The following TUSC3 variants were observed in gnomAD, a reference collection of about 807,000 sequenced individuals.
The protein encoded by TUSC3 is dolichyl-diphosphooligosaccharide--protein glycosyltransferase subunit TUSC3.
TUSC3 carries 45 observed loss-of-function variants against 44.8 expected under a neutral mutation model. The observed-to-expected ratio is 1.00, with a 90% confidence interval of 0.79 to 1.29. The LOEUF is 1.29. Among genes scored for constraint, TUSC3 ranks in the 50% most tolerant of loss-of-function variants. The pLI, the probability that TUSC3 is intolerant of heterozygous loss-of-function variation, is 0.00. For synonymous variants in TUSC3, 212 were observed against 152.9 expected, an observed-to-expected ratio of 1.39 and a Z score of -2.85; for missense variants, 519 against 437.9, an observed-to-expected ratio of 1.19 and a Z score of -1.65.
chr8:15,709,624 G>T (rs1015668039), intron 6 of TUSC3, among the ~76,000 whole-genome samples: 6 of 151,676 alleles, frequency 4.0e-5, no homozygotes, highest in East Asian at 1.9e-4. Flanking sequence ...ATGAGGAGGA[G>T]GATGATGATG....
chr8:15,556,623 G>A (rs901254357), intron 1 of TUSC3, among the ~76,000 whole-genome samples: 1 of 146,414 alleles, frequency 6.8e-6, no homozygotes, highest in African/African-American at 2.5e-5. Flanking sequence ...CCCACCAACA[G>A]TGTAAAAGTG....
intron 1 of TUSC3, among the ~76,000 whole-genome samples, chr8:15,481,489 A>G (rs1429195395): frequency 1.3e-5 from 2 of 151,878 alleles, no homozygotes; most frequent in Non-Finnish European, 2.9e-5. Flanking sequence ...TCAATCTTGC[A>G]CCTCTCAGCC....
intron 2 of TUSC3, among the ~76,000 whole-genome samples, chr8:15,648,752 A>AAAAAAAAAAAAAAC (rs1806748787): frequency 6.8e-6 from 1 of 147,484 alleles, no homozygotes; most frequent in Non-Finnish European, 1.5e-5. Context: ...AAAAAAAAAA[A>AAAAAAAAAAAAAAC]AAAAGACATC....
intron 2 of TUSC3, among the ~76,000 whole-genome samples, chr8:15,484,213 C>A (rs1800706037): frequency 6.6e-6 from 1 of 152,138 alleles, no homozygotes; most frequent in Non-Finnish European, 1.5e-5. Flanking sequence ...CTTATGCAAC[C>A]ATAAATTTGC....
chr8:15,755,743 A>G (rs1811901900), intron 9 of TUSC3, among the ~76,000 whole-genome samples: 2 of 152,192 alleles, frequency 1.3e-5, no homozygotes, highest in Admixed American at 6.5e-5. Context: ...AAAAGAAAAA[A>G]AAAAGTAGAA....
chr8:15,541,056 C>G (rs537918368), intron 1 of TUSC3, among the ~76,000 whole-genome samples: 104 of 152,252 alleles, frequency 6.8e-4, no homozygotes, highest in Non-Finnish European at 1.3e-3. Context: ...TCGGTGTATA[C>G]TTGTGAGAAT....
intron 1 of TUSC3, among the ~76,000 whole-genome samples, chr8:15,562,772 A>C (rs879916743): frequency 6.6e-6 from 1 of 152,130 alleles, no homozygotes; most frequent in African/African-American, 2.4e-5. Context: ...ATCTATAGGC[A>C]GTTCACAGCA....
At chr8:15,478,514 G>C (rs1800613448) in intron 1 of TUSC3, among the ~76,000 whole-genome samples, 2 of 152,152 alleles carry the variant, frequency 1.3e-5, no homozygotes, top group Admixed American at 6.5e-5. Context: ...ACTCATAAGT[G>C]AGAACATGCA....
chr8:15,567,258 G>T (rs1802711160), intron 1 of TUSC3, among the ~76,000 whole-genome samples: 1 of 152,156 alleles, frequency 6.6e-6, no homozygotes, highest in Non-Finnish European at 1.5e-5. Context: ...GAACACTGAA[G>T]TTAGTATTTT....
chr8:15,585,611 C>CT (rs2129148487), intron 1 of TUSC3, among the ~76,000 whole-genome samples: 1 of 152,248 alleles, frequency 6.6e-6, no homozygotes, highest in African/African-American at 2.4e-5. Flanking sequence ...CCTAATGTGC[C>CT]TGTGGGCCCT....
intron 1 of TUSC3, among the ~76,000 whole-genome samples, chr8:15,470,675 A>G (rs958269421): frequency 1.3e-5 from 2 of 152,194 alleles, no homozygotes; most frequent in African/African-American, 4.8e-5. Flanking sequence ...AAGTCCTTTC[A>G]TTAAAACAGA....
intron 10 of TUSC3, among the ~76,000 whole-genome samples, chr8:15,762,847 T>C (rs2129225168): frequency 6.6e-6 from 1 of 152,150 alleles, no homozygotes; most frequent in Non-Finnish European, 1.5e-5. Flanking sequence ...TTTTTAAGGA[T>C]CATGCGGATT....
chr8:15,822,289 G>A, the TUSC3 span, among the ~76,000 whole-genome samples: 1 of 152,134 alleles, frequency 6.6e-6, no homozygotes, highest in African/African-American at 2.4e-5. Flanking sequence ...ATATAAAAAT[G>A]TAGACTTCAT....
chr8:15,805,035 A>G, the TUSC3 span, among the ~76,000 whole-genome samples: 1 of 151,996 alleles, frequency 6.6e-6, no homozygotes, highest in Admixed American at 6.6e-5. Flanking sequence ...TCTTGCAGAA[A>G]TCTTTCACTT....
In TUSC3 at chr8:15,553,391, G is replaced by A. The variant is rs981452130; in HGVS notation, c.138+12823G>A. 4.6e-5 allele frequency among the ~76,000 whole-genome samples: 7 copies of A among 151,676 alleles called. 1 individual carries two copies. The highest frequency in any genetic ancestry group is 2.1e-4 in the South Asian group (1 of 4,792). ...TGCTTGCAAAAGATCCTTGGACTTCGTTGCTGGAGGAGCTTAGAAGGAAAT... is the reference window on the plus strand; with the variant it reads ...TGCTTGCAAAAGATCCTTGGACTTCATTGCTGGAGGAGCTTAGAAGGAAAT... On this transcript the variant is annotated intron_variant, in intron 1 of 10. Transcript: ENST00000503731.
the TUSC3 span, chr8:15,806,295 A>C: frequency 1.5e-6 from 1 of 680,868 alleles, no homozygotes; most frequent in Non-Finnish European, 2.8e-6. Flanking sequence ...TAATGTGTAC[A>C]CCACATGGAC....
chr8:15,471,152 A>G (rs1425144186), intron 1 of TUSC3, among the ~76,000 whole-genome samples: 1 of 152,182 alleles, frequency 6.6e-6, no homozygotes, highest in African/African-American at 2.4e-5. Flanking sequence ...CCCCAGCACT[A>G]CAACCTCTGC....
At chr8:15,694,330 C>T (rs1239416382) in intron 6 of TUSC3, among the ~76,000 whole-genome samples, 2 of 151,234 alleles carry the variant, frequency 1.3e-5, no homozygotes, top group African/African-American at 2.4e-5. Context: ...TAATCCCAGC[C>T]ACTCAGGAGT....
chr8:15,781,830 C>G, the TUSC3 span, among the ~76,000 whole-genome samples: 2 of 152,038 alleles, frequency 1.3e-5, no homozygotes, highest in Non-Finnish European at 2.9e-5. Flanking sequence ...CCAAACAAAG[C>G]TACTATAAGA....
Sources: gnomAD v4.1 joint callset for allele counts (sites outside exome capture counted in the v4.1 genomes callset) on GRCh38, gnomAD v4.1.1 for gene constraint, MANE v1.5 for transcripts, NCBI Gene and HGNC (gene_info 2026-07-23, HGNC 2026-07-21) for gene names.